The following NBAS variants were observed in gnomAD, a reference collection of about 807,000 sequenced individuals.
NBAS encodes the protein NAG/BC035112 fusion.
Under a neutral mutation model 302.5 loss-of-function variants are expected in NBAS, and 219 were observed. The observed-to-expected ratio is 0.72, with a 90% CI of 0.65 to 0.81. NBAS has a LOEUF of 0.81. Ranked by LOEUF, NBAS falls within the 30% of genes least tolerant of loss-of-function variation. The pLI, the probability that NBAS is intolerant of heterozygous loss-of-function variation, is 0.00. For synonymous variants in NBAS, 1,118 were observed against 1,021.6 expected (o/e 1.09, Z -1.80); for missense variants, 2,932 against 2,841.6 (o/e 1.03, Z -0.72).
chr2:15,519,612 T>C lies in NBAS; in HGVS notation c.747-8262A>G, dbSNP rs1662565864. On this transcript the variant is annotated intron_variant, in intron 9 of 51. Transcript: ENST00000281513. ...TGCATGCCTGGCTAATTTTTTTCTT[T>C]TTTTAAACTTTTGTAGAGACAGGGA... Among the ~76,000 whole-genome samples the C allele has an allele frequency of 3.9e-5, 6 of 152,142 alleles. No individual in the cohort carries two copies. In the South Asian group the frequency reaches 1.2e-3, roughly 32 times the overall value.
the NBAS span, among the ~76,000 whole-genome samples, chr2:15,090,656 G>A: frequency 1.3e-5 from 2 of 152,194 alleles, no homozygotes; most frequent in East Asian, 3.9e-4. Context: ...ACCTGAGGCT[G>A]TAAAAATCCT....
chr2:14,904,175 A>C, the NBAS span, among the ~76,000 whole-genome samples: 1 of 152,222 alleles, frequency 6.6e-6, no homozygotes, highest in Non-Finnish European at 1.5e-5. Flanking sequence ...TAATAGGATA[A>C]ATGTACATAT....
At chr2:14,823,166 C>T in the NBAS span, among the ~76,000 whole-genome samples, 1 of 152,200 alleles carries the variant, frequency 6.6e-6, no homozygotes, top group East Asian at 1.9e-4. Context: ...TTCCAGTGTG[C>T]ATTAATGAGC....
chr2:15,116,197 A>T, the NBAS span, among the ~76,000 whole-genome samples: 1 of 152,168 alleles, frequency 6.6e-6, no homozygotes, highest in African/African-American at 2.4e-5. Context: ...GTTGATGGGG[A>T]TATTGACCCC....
chr2:15,391,092 A>G (rs1358272048), intron 28 of NBAS, among the ~76,000 whole-genome samples: 1 of 152,088 alleles, frequency 6.6e-6, no homozygotes, highest in African/African-American at 2.4e-5. Flanking sequence ...CCTGGGCGAC[A>G]GAGCAAGATT....
In NBAS at chr2:15,328,233, T is replaced by G. The variant is rs1672166474; in HGVS notation, c.4427A>C (p.Tyr1476Ser). Reference protein sequence around the residue: ...DLEKQGCHPFYESVISNPFVA... With the variant: ...DLEKQGCHPFSESVISNPFVA... ...AAAAGGATTTGAGATGACAGATTCA[T>G]AAAAAGGATGACACCCTTGTTTCTC... The change falls in exon 37 of 52, where the codon TAT (tyrosine) becomes TCT (serine). Residue 1476 changes from tyrosine to serine, a missense_variant. By Grantham distance (144) the Tyr-to-Ser change is moderately radical (BLOSUM62 -2). Coordinates refer to ENST00000281513, the MANE Select transcript of NBAS (RefSeq NM_015909.4). The G allele has an allele frequency of 6.2e-7, 1 of 1,613,866 alleles. No homozygotes were observed. The highest frequency in any genetic ancestry group is 8.5e-7 in the Non-Finnish European group (1 of 1,179,890).
At chr2:14,843,424 C>A in the NBAS span, among the ~76,000 whole-genome samples, 2 of 151,728 alleles carry the variant, frequency 1.3e-5, no homozygotes, top group South Asian at 2.1e-4. Context: ...ATCTGAAGAC[C>A]CCACCAAAAA....
the NBAS span, among the ~76,000 whole-genome samples, chr2:15,068,182 C>T: frequency 6.6e-6 from 1 of 152,208 alleles, no homozygotes; most frequent in Non-Finnish European, 1.5e-5. Flanking sequence ...AGGTCCCCTA[C>T]ATTCCCTGAC....
At chr2:15,125,718 T>G in the NBAS span, among the ~76,000 whole-genome samples, 1 of 152,232 alleles carries the variant, frequency 6.6e-6, no homozygotes, top group African/African-American at 2.4e-5. Flanking sequence ...TTGGGCCAGT[T>G]TCTCCCTTTT....
At chr2:15,167,435 G>T in intron 51 of NBAS, 112 bp from the exon 52 acceptor site, 1 of 1,374,630 alleles carries the variant, frequency 7.3e-7, no homozygotes, top group Non-Finnish European at 1.0e-6. Context: ...GCCCTGGCCT[G>T]GGTTTAAAAG....
chr2:15,449,011 T>C (rs1678881702), intron 21 of NBAS, among the ~76,000 whole-genome samples: 1 of 152,052 alleles, frequency 6.6e-6, no homozygotes, highest in East Asian at 1.9e-4. Context: ...TTTTTAGAGT[T>C]TGCAAGAAAA....
At chr2:15,495,882 C>T (rs917643955) in intron 11 of NBAS, among the ~76,000 whole-genome samples, 1 of 152,052 alleles carries the variant, frequency 6.6e-6, no homozygotes. Flanking sequence ...TCTGACAACT[C>T]CTCAAATGGC....
intron 9 of NBAS, among the ~76,000 whole-genome samples, chr2:15,526,010 G>A (rs902798413): frequency 6.6e-6 from 1 of 152,164 alleles, no homozygotes; most frequent in Non-Finnish European, 1.5e-5. Context: ...AGCAAGCACA[G>A]TACCCACCGT....
At chr2:14,805,304 G>A in the NBAS span, among the ~76,000 whole-genome samples, 1 of 152,146 alleles carries the variant, frequency 6.6e-6, no homozygotes, top group Admixed American at 6.6e-5. Flanking sequence ...CAAAGGAATG[G>A]CAATTGGGAA....
the NBAS span, among the ~76,000 whole-genome samples, chr2:15,085,184 CG>C: frequency 6.6e-6 from 1 of 152,130 alleles, no homozygotes; most frequent in South Asian, 2.1e-4. Flanking sequence ...ACACGGAGTG[CG>C]GGGGCCGGTT....
At chr2:15,369,132 A>G (rs1674364336) in intron 31 of NBAS, among the ~76,000 whole-genome samples, 1 of 152,182 alleles carries the variant, frequency 6.6e-6, no homozygotes, top group Non-Finnish European at 1.5e-5. Flanking sequence ...TTTTATTTTC[A>G]AAACAAAATT....
chr2:15,330,785 TAGCAAGGGCAAAA>T lies in NBAS; in HGVS notation c.4180-33_4180-21del, dbSNP rs1672302104. 1 of 1,612,054 alleles carries T rather than the reference TAGCAAGGGCAAAA, an allele frequency of 6.2e-7. No homozygotes were observed. The highest frequency in any genetic ancestry group is 8.5e-7 in the Non-Finnish European group (1 of 1,179,152). On this transcript the variant is annotated intron_variant, in intron 35 of 51. Coordinates refer to ENST00000281513, the MANE Select transcript of NBAS (RefSeq NM_015909.4). ...TTCATCCTGTATTAAAGAAACAAAA[TAGCAAGGGCAAAA>T]ATGCATTACCATAAGAACAGAGAAG...
the NBAS span, among the ~76,000 whole-genome samples, chr2:14,950,164 C>T: frequency 6.6e-6 from 1 of 152,166 alleles, no homozygotes; most frequent in Non-Finnish European, 1.5e-5. Context: ...TCTCACCTCC[C>T]TTCCACTCTT....
At chr2:15,238,186 T>C (rs933739170) in intron 45 of NBAS, among the ~76,000 whole-genome samples, 2 of 152,168 alleles carry the variant, frequency 1.3e-5, no homozygotes, top group African/African-American at 2.4e-5. Context: ...CAGCTATCCA[T>C]TGTTCAACTC....
Sources: allele counts gnomAD v4.1 joint callset (sites outside exome capture counted in the v4.1 genomes callset), GRCh38; gene constraint gnomAD v4.1.1; transcripts MANE v1.5; gene names NCBI Gene and HGNC (gene_info 2026-07-23, HGNC 2026-07-21).